NRG1: variants seen among roughly 807,000 people sequenced by gnomAD.
NRG1 encodes pro-neuregulin-1, membrane-bound isoform.
A neutral mutation model predicts 63.8 loss-of-function variants in NRG1; 18 were observed. That is an observed-to-expected ratio of 0.28 (90% CI 0.19 to 0.42). NRG1 has a LOEUF of 0.42. Among genes scored for constraint, NRG1 ranks in the 10% least tolerant of loss-of-function variants. The pLI is 1.00. For synonymous variants in NRG1, 302 were observed against 301.3 expected (o/e 1.00, Z -0.02); for missense variants, 762 against 814.7 (o/e 0.94, Z 0.79).
chr8:32,068,212 T>C (rs1825187075), intron 1 of NRG1, among the ~76,000 whole-genome samples: 1 of 152,182 alleles, frequency 6.6e-6, no homozygotes, highest in African/African-American at 2.4e-5. Context: ...TTCTGTAAAA[T>C]ATGAAAGAAA....
chr8:32,202,326 G>T (rs557461915), intron 1 of NRG1, among the ~76,000 whole-genome samples: 7 of 152,114 alleles, frequency 4.6e-5, no homozygotes, highest in African/African-American at 1.7e-4. Flanking sequence ...TGTGACAGGG[G>T]TGTCTTGTTT....
At position 32,539,160 on chromosome 8, in the gene NRG1, G is replaced by T. The variant is rs538639899; in HGVS notation, c.38-56668G>T. ...AGATAGAAAAGAGATTGTTTATGCA[G>T]CAATGAGATTGGAAAGGACCTGGCT... On this transcript the variant is annotated intron_variant, in intron 1 of 10. Coordinates refer to the NRG1 transcript ENST00000519301. Among the ~76,000 whole-genome samples the T allele has an allele frequency of 1.8e-4, 27 of 152,326 alleles. 1 individual carries two copies. Among genetic ancestry groups the T allele is most frequent in the Middle Eastern group, 6.8e-3 (2 of 294 alleles).
chr8:32,204,581 A>G (rs947160060), intron 1 of NRG1, among the ~76,000 whole-genome samples: 1 of 152,218 alleles, frequency 6.6e-6, no homozygotes, highest in African/African-American at 2.4e-5. Flanking sequence ...TAGTATCTAT[A>G]TAGTGAATTA....
chr8:31,775,882 CAAAAAAAAA>C lies in NRG1; in HGVS notation c.37+136471_37+136479del, dbSNP rs71208140. On this transcript the variant is annotated intron_variant, in intron 1 of 10. Coordinates refer to the NRG1 transcript ENST00000519301. ...TGGGCGACAGAGCAAGACTCCGTCTCAAAAAAAAAAAAAAAAAAAAAAAAAAAATTCATA... is the reference window on the plus strand; with the variant it reads ...TGGGCGACAGAGCAAGACTCCGTCTCAAAAAAAAAAAAAAAAAAATTCATA... 3.9e-3 allele frequency among the ~76,000 whole-genome samples: 285 copies of C among 72,202 alleles called. 2 individuals carry two copies. The highest frequency in any genetic ancestry group is 8.2e-3 in the Middle Eastern group (1 of 122). The allele number at this position is 72,202 out of a possible 152,430, so 47.4% of individuals were successfully genotyped here. A position where few individuals can be genotyped will look rare whatever the true frequency, so the allele number is the denominator to read the frequency against.
intron 1 of NRG1, among the ~76,000 whole-genome samples, chr8:31,894,332 A>C (rs1210555835): frequency 6.6e-6 from 1 of 152,174 alleles, no homozygotes; most frequent in East Asian, 1.9e-4. Context: ...TAAGTGTTTA[A>C]ATTACATTAT....
At chr8:32,585,031 C>A (rs996268211) in intron 1 of NRG1, among the ~76,000 whole-genome samples, 1 of 151,978 alleles carries the variant, frequency 6.6e-6, no homozygotes, top group Admixed American at 6.6e-5. Flanking sequence ...ATTAACATAT[C>A]AAAATCATGT....
chr8:32,482,859 C>T (rs1475229859), intron 1 of NRG1, among the ~76,000 whole-genome samples: 1 of 152,182 alleles, frequency 6.6e-6, no homozygotes, highest in East Asian at 1.9e-4. Context: ...TCCAGAGGCA[C>T]TCCCAGCCGT....
intron 1 of NRG1, among the ~76,000 whole-genome samples, chr8:32,028,840 C>A (rs1817847298): frequency 6.6e-6 from 1 of 152,070 alleles, no homozygotes; most frequent in South Asian, 2.1e-4. Context: ...TACTCACTTT[C>A]AATTGATACA....
chr8:32,244,602 A>T (rs999675363), intron 1 of NRG1, among the ~76,000 whole-genome samples: 2 of 152,156 alleles, frequency 1.3e-5, no homozygotes, highest in Admixed American at 1.3e-4. Context: ...TTTTTTCTAG[A>T]AGCATAGGGA....
chr8:32,043,373 G>C (rs1375308330), intron 1 of NRG1, among the ~76,000 whole-genome samples: 1 of 151,732 alleles, frequency 6.6e-6, no homozygotes, highest in Non-Finnish European at 1.5e-5. Context: ...GCAAAATAAA[G>C]ACATTCTCAG....
chr8:31,819,575 A>G (rs1823805795), intron 1 of NRG1, among the ~76,000 whole-genome samples: 1 of 152,154 alleles, frequency 6.6e-6, no homozygotes, highest in South Asian at 2.1e-4. Context: ...AACCCCCTAC[A>G]CAGTTGTTAG....
chr8:31,845,582 G>C (rs1418552699), intron 1 of NRG1, among the ~76,000 whole-genome samples: 1 of 152,134 alleles, frequency 6.6e-6, no homozygotes, highest in Non-Finnish European at 1.5e-5. Flanking sequence ...AGGTGAATAA[G>C]CATCATGAAT....
In NRG1 at chr8:32,584,892, CATCTT is replaced by C. The variant is rs141363894; in HGVS notation, c.101-10934_101-10930del. Among the ~76,000 whole-genome samples the C allele has an allele frequency of 6.9e-3, 1,044 of 152,278 alleles. 15 individuals are homozygous for C. The highest frequency in any genetic ancestry group is 0.024 in the African/African-American group (1,001 of 41,562). On this transcript the variant is annotated intron_variant, in intron 1 of 11. Coordinates refer to ENST00000356819, the Ensembl canonical transcript of NRG1. ...AACTAATTATAATCAATTGCTAACT[CATCTT>C]ACCTGGGAATTTATTTAGTTTAGAA...
At chr8:31,896,222 G>A (rs1433343290) in intron 1 of NRG1, among the ~76,000 whole-genome samples, 1 of 152,138 alleles carries the variant, frequency 6.6e-6, no homozygotes, top group Non-Finnish European at 1.5e-5. Flanking sequence ...TTAATGGTTT[G>A]ATCAAACATC....
At chr8:31,723,625 GCC>G (rs370659210) in intron 1 of NRG1, among the ~76,000 whole-genome samples, 242 of 152,134 alleles carry the variant, frequency 1.6e-3, no homozygotes, top group African/African-American at 5.7e-3. Flanking sequence ...GCCTGGCAGA[GCC>G]TCTTCTTTAA....
At chr8:31,839,189 G>C (rs1825959556) in intron 1 of NRG1, among the ~76,000 whole-genome samples, 1 of 152,202 alleles carries the variant, frequency 6.6e-6, no homozygotes, top group East Asian at 1.9e-4. Context: ...TTCTTTTAAA[G>C]TTTTATTCAT....
chr8:31,789,448 G>T (rs576327029), intron 1 of NRG1, among the ~76,000 whole-genome samples: 1 of 152,300 alleles, frequency 6.6e-6, no homozygotes, highest in Admixed American at 6.5e-5. Flanking sequence ...GTAAGAACAA[G>T]ACTGGTAGTA....
chr8:31,866,561 C>T (rs1450346439), intron 1 of NRG1, among the ~76,000 whole-genome samples: 3 of 151,992 alleles, frequency 2.0e-5, no homozygotes, highest in Non-Finnish European at 4.4e-5. Context: ...TATTTATTTC[C>T]CCATACTACA....
intron 1 of NRG1, among the ~76,000 whole-genome samples, chr8:32,129,343 G>T (rs887885193): frequency 6.6e-6 from 1 of 151,860 alleles, no homozygotes; most frequent in Admixed American, 6.6e-5. Context: ...CTTCCTCTCA[G>T]ATTCTACACA....
Sources: allele counts gnomAD v4.1 joint callset (sites outside exome capture counted in the v4.1 genomes callset), GRCh38; gene constraint gnomAD v4.1.1; transcripts MANE v1.5; gene names NCBI Gene and HGNC (gene_info 2026-07-23, HGNC 2026-07-21).